RAP1GAP2: variants seen among roughly 807,000 people sequenced by gnomAD.
RAP1GAP2 encodes the protein RAP1 GTPase activating protein 2.
RAP1GAP2 carries 27 observed loss-of-function variants against 95.0 expected under a neutral mutation model. That is an observed-to-expected ratio of 0.28 (90% CI 0.21 to 0.39). The LOEUF is 0.39. RAP1GAP2 is among the 10% of genes least tolerant of loss of function. The pLI is 1.00. For synonymous variants in RAP1GAP2, 373 were observed against 380.9 expected, an observed-to-expected ratio of 0.98 and a Z score of 0.24; for missense variants, 771 against 970.0, an observed-to-expected ratio of 0.79 and a Z score of 2.72.
rs1274079104 is a variant in RAP1GAP2, at chr17:3,008,624, G to A, written c.1494+479G>A. On this transcript the variant is annotated intron_variant, in intron 17 of 24. Coordinates refer to ENST00000254695, the MANE Select transcript of RAP1GAP2 (RefSeq NM_015085.5). The surrounding 1 kb of genome is among the most constrained non-coding windows in gnomAD (Gnocchi z 4.2). ...GAAGACCTGGCTGGGCAGGGGCCAT[G>A]GAACTATAGGCAAGTCCCTTTGGAC... is the stretch of plus-strand genomic sequence containing the variant. 1.3e-5 allele frequency among the ~76,000 whole-genome samples: 2 copies of A among 152,222 alleles called. No homozygotes were observed. The highest frequency in any genetic ancestry group is 1.3e-4 in the Admixed American group (2 of 15,280).
chr17:2,880,088 A>G (rs538943198), intron 2 of RAP1GAP2, among the ~76,000 whole-genome samples: 1 of 152,310 alleles, frequency 6.6e-6, no homozygotes, highest in East Asian at 1.9e-4. Context: ...GGCTGGGAGC[A>G]GGGTGCCGTG....
rs548479772 is a variant in RAP1GAP2 at position 2,827,570 on chromosome 17, G to A, written c.80+27020G>A. 6.6e-6 allele frequency among the ~76,000 whole-genome samples: 1 copy of A among 152,198 alleles called. No individual in the cohort carries two copies. Among genetic ancestry groups the A allele is most frequent in the South Asian group, 2.1e-4 (1 of 4,824 alleles). ...TGCCTGTAATCCCAGCACTTTGGGA[G>A]GCCAAGGCGGGTGGATCACCTGAGG... On this transcript the variant is annotated intron_variant, in intron 2 of 24. Coordinates refer to ENST00000254695, the MANE Select transcript of RAP1GAP2 (RefSeq NM_015085.5). This position sits in a 1 kb window ranked among gnomAD's most constrained non-coding sequence, Gnocchi z 4.1.
chr17:2,891,489 C>A (rs923532999), intron 2 of RAP1GAP2, among the ~76,000 whole-genome samples: 4 of 151,750 alleles, frequency 2.6e-5, no homozygotes, highest in African/African-American at 9.7e-5. Flanking sequence ...TAATAGATGG[C>A]CCCTCCCTAC....
chr17:2,806,128 T>G (rs2069505267), intron 2 of RAP1GAP2, among the ~76,000 whole-genome samples: 1 of 152,296 alleles, frequency 6.6e-6, no homozygotes, highest in East Asian at 1.9e-4. Context: ...TGGGCCAGCA[T>G]GTCAGTTCTA....
intron 3 of RAP1GAP2, among the ~76,000 whole-genome samples, chr17:2,922,720 T>C (rs567904143): frequency 6.6e-6 from 1 of 152,308 alleles, no homozygotes; most frequent in South Asian, 2.1e-4. Context: ...CACTTAGTAG[T>C]TGGTGCTTAA....
chr17:3,032,851 T>C (rs1272688612), intron 24 of RAP1GAP2, among the ~76,000 whole-genome samples: 1 of 152,116 alleles, frequency 6.6e-6, no homozygotes, highest in Non-Finnish European at 1.5e-5. Context: ...AGGTGTGTTC[T>C]CCCTCCCTGT....
At chr17:2,849,439 G>A (rs1035279595) in intron 2 of RAP1GAP2, among the ~76,000 whole-genome samples, 2 of 152,220 alleles carry the variant, frequency 1.3e-5, no homozygotes, top group Non-Finnish European at 2.9e-5. Context: ...CTTTCTCATG[G>A]ATATGTCTCC....
intron 2 of RAP1GAP2, among the ~76,000 whole-genome samples, chr17:2,815,920 C>CT (rs2069999014): frequency 6.6e-6 from 1 of 152,230 alleles, no homozygotes; most frequent in African/African-American, 2.4e-5. Flanking sequence ...CTGCTGAGGA[C>CT]AGAGCATCCC....
rs1346039850 is a variant in RAP1GAP2, at chr17:2,857,503, T to C, written c.81-47781T>C. Among the ~76,000 whole-genome samples, 2 of 152,222 alleles carry C rather than the reference T, an allele frequency of 1.3e-5. No individual in the cohort carries two copies. The highest frequency in any genetic ancestry group is 2.9e-5 in the Non-Finnish European group (2 of 68,032). Reference sequence around the variant, plus strand: ...GGGCGTGGTGATCATCATGTTGGACTTGACCGTGCTCTACGGGAGCTGTGG... The same window carrying C: ...GGGCGTGGTGATCATCATGTTGGACCTGACCGTGCTCTACGGGAGCTGTGG... On this transcript the variant is annotated intron_variant, in intron 2 of 24. Transcript: ENST00000254695. This position sits in a 1 kb window ranked among gnomAD's most constrained non-coding sequence, Gnocchi z 4.0.
chr17:2,848,907 C>T (rs1163244478), intron 2 of RAP1GAP2, among the ~76,000 whole-genome samples: 2 of 152,178 alleles, frequency 1.3e-5, no homozygotes, highest in South Asian at 2.1e-4. Context: ...CCCTCTTCCC[C>T]CTCCTCTGTC....
At chr17:2,934,251 C>T (rs538715278) in intron 3 of RAP1GAP2, among the ~76,000 whole-genome samples, 2 of 152,206 alleles carry the variant, frequency 1.3e-5, no homozygotes, top group Non-Finnish European at 2.9e-5. Flanking sequence ...CCTGACTCAG[C>T]CTCCTGAGTA....
At chr17:2,776,556 C>T (rs892822320), upstream of RAP1GAP2, among the ~76,000 whole-genome samples, 17 of 152,202 alleles carry the variant, frequency 1.1e-4, no homozygotes, top group South Asian at 3.5e-3. Context: ...GCCCCTCCGC[C>T]CCCTCTCCGC....
Position 3,027,146 on chromosome 17 carries a change from A to C in RAP1GAP2, c.2107+76A>C. The C allele has an allele frequency of 1.4e-6, 2 of 1,478,574 alleles. No individual in the cohort carries two copies. The highest frequency in any genetic ancestry group is 1.8e-6 in the Non-Finnish European group (2 of 1,103,800). 91.6% of individuals were successfully genotyped at this position (1,478,574 alleles called of 1,614,324 possible). A position where few individuals can be genotyped will look rare whatever the true frequency, so the allele number is the denominator to read the frequency against. ...CCCTGTCCACTGTTAGCAGGGCCCC[A>C]GCCACGCTGAACTGGCCAGTTTTCA... On this transcript the variant is annotated intron_variant, in intron 22 of 24. Coordinates refer to ENST00000254695, the MANE Select transcript of RAP1GAP2 (RefSeq NM_015085.5). This position sits in a 1 kb window ranked among gnomAD's most constrained non-coding sequence, Gnocchi z 5.2.
chr17:2,820,884 G>A (rs1426336581), intron 2 of RAP1GAP2, among the ~76,000 whole-genome samples: 10 of 100,338 alleles, frequency 1.0e-4, no homozygotes, highest in Admixed American at 3.9e-4. Context: ...ACCACGGCCC[G>A]GATAATGGTT....
intron 1 of RAP1GAP2, among the ~76,000 whole-genome samples, chr17:2,767,236 C>CCTGTAATCCCAGCTGCAT: frequency 6.6e-6 from 1 of 151,658 alleles, no homozygotes; most frequent in Non-Finnish European, 1.5e-5. Flanking sequence ...GTGACAGATG[C>CCTGTAATCCCAGCTGCAT]CTGTAATCCC....
At chr17:2,766,237 G>A (rs150674326) in intron 1 of RAP1GAP2, among the ~76,000 whole-genome samples, 1 of 152,264 alleles carries the variant, frequency 6.6e-6, no homozygotes, top group Admixed American at 6.5e-5. Flanking sequence ...GTGAGTCCTT[G>A]TTATGAACTG....
intron 3 of RAP1GAP2, among the ~76,000 whole-genome samples, chr17:2,922,015 A>G (rs1030941941): frequency 4.6e-5 from 7 of 152,224 alleles, no homozygotes; most frequent in African/African-American, 9.6e-5. Flanking sequence ...TTAAAATTAT[A>G]TCTGTTATCT....
chr17:2,912,876 T>A lies in RAP1GAP2; in HGVS notation c.165+7508T>A, dbSNP rs1281995268. Among the ~76,000 whole-genome samples the A allele has an allele frequency of 2.0e-5, 3 of 152,164 alleles. No individual in the cohort carries two copies. The East Asian group carries it at 5.8e-4, about 29-fold the overall frequency. ...AGGGTGAGGATGCTAACTAGGAGGC[T>A]TTAAGAACATGGAGATGTTGGCTGG... On this transcript the variant is annotated intron_variant, in intron 3 of 24. Transcript: ENST00000254695.
Position 2,884,372 on chromosome 17 carries a change from GT to G in RAP1GAP2, c.81-20894del, listed in dbSNP as rs72123618. Among the ~76,000 whole-genome samples, 145 of 123,726 alleles carry G rather than the reference GT, an allele frequency of 1.2e-3. 1 individual carries two copies. The highest frequency in any genetic ancestry group is 1.8e-3 in the Admixed American group (22 of 11,996). 81.2% of individuals were successfully genotyped at this position (123,726 alleles called of 152,430 possible). On this transcript the variant is annotated intron_variant, in intron 2 of 24. Transcript: ENST00000254695. The stretch of plus-strand genomic sequence containing the variant: ...CTCTTGGAGTCAGAGTTCTTGAGTT[GT>G]TTTTTTTTTTTTTTTTTGAGACAGA...
Sources: gnomAD v4.1 joint callset for allele counts (sites outside exome capture counted in the v4.1 genomes callset) on GRCh38, gnomAD v4.1.1 for gene constraint, Gnocchi (gnomAD v3.1) non-coding constraint, MANE v1.5 for transcripts, NCBI Gene and HGNC (gene_info 2026-07-23, HGNC 2026-07-21) for gene names.